PCDH9: variants seen among roughly 807,000 people sequenced by gnomAD.
The protein encoded by PCDH9 is protocadherin-9.
PCDH9 carries 24 observed loss-of-function variants against 70.6 expected under a neutral mutation model. The ratio of observed to expected loss-of-function variants is 0.34; its 90% CI spans 0.25 to 0.48. The LOEUF (loss-of-function observed/expected upper bound fraction) is 0.48. Ranked by LOEUF, PCDH9 falls within the 20% of genes least tolerant of loss-of-function variation. PCDH9 has a pLI of 0.99. For synonymous variants in PCDH9, 562 were observed against 558.5 expected (o/e 1.01, Z -0.09); for missense variants, 1,281 against 1,503.6 (o/e 0.85, Z 2.45).
chr13:66,798,817 G>GTT (rs34941327), intron 3 of PCDH9, among the ~76,000 whole-genome samples: 1 of 150,574 alleles, frequency 6.6e-6, no homozygotes, highest in African/African-American at 2.4e-5. Context: ...CCTGTTCCTC[G>GTT]TTTTTTTTTT....
At chr13:66,945,833 A>C (rs991232640) in intron 2 of PCDH9, among the ~76,000 whole-genome samples, 8 of 152,158 alleles carry the variant, frequency 5.3e-5, no homozygotes, top group Non-Finnish European at 1.2e-4. Context: ...TACAGTGTAC[A>C]TGTGTAAGAA....
chr13:67,206,700 A>C (rs1356573956), intron 2 of PCDH9: 1 of 152,156 alleles, frequency 6.6e-6, no homozygotes, highest in Admixed American at 6.5e-5. Flanking sequence ...GCCTATACTG[A>C]TCTTAGCTGG....
intron 3 of PCDH9, among the ~76,000 whole-genome samples, chr13:66,672,889 T>C (rs1181308491): frequency 6.6e-6 from 1 of 152,204 alleles, no homozygotes; most frequent in Non-Finnish European, 1.5e-5. Context: ...TGTATTCCCA[T>C]TGTATCTAGG....
At chr13:66,875,182 G>A (rs1053982347) in intron 3 of PCDH9, among the ~76,000 whole-genome samples, 15 of 152,054 alleles carry the variant, frequency 9.9e-5, no homozygotes, top group African/African-American at 3.6e-4. Flanking sequence ...TGATGCCAGC[G>A]GCATTCAAAC....
At chr13:67,122,999 A>G (rs1431270775) in intron 2 of PCDH9, among the ~76,000 whole-genome samples, 1 of 152,096 alleles carries the variant, frequency 6.6e-6, no homozygotes, top group East Asian at 1.9e-4. Flanking sequence ...GAGCTAATCA[A>G]AATTAGTGTG....
chr13:66,922,677 A>T (rs2082655794), intron 2 of PCDH9, among the ~76,000 whole-genome samples: 1 of 151,460 alleles, frequency 6.6e-6, no homozygotes, highest in African/African-American at 2.4e-5. Context: ...TGATATGATG[A>T]TTTATAATGC....
intron 4 of PCDH9, among the ~76,000 whole-genome samples, chr13:66,385,996 T>TAA (rs60534095): frequency 2.3e-5 from 3 of 129,136 alleles, no homozygotes; most frequent in African/African-American, 8.1e-5. Context: ...ACGTATCTGA[T>TAA]AAAAAAAAAA....
chr13:66,779,845 CTCTCTA>C (rs1243416406), intron 3 of PCDH9, among the ~76,000 whole-genome samples: 4 of 42,612 alleles, frequency 9.4e-5, no homozygotes, highest in East Asian at 7.7e-4. Context: ...CTCTCTCTCT[CTCTCTA>C]TATATATATA....
chr13:66,837,114 T>C (rs894920200), intron 3 of PCDH9, among the ~76,000 whole-genome samples: 1 of 152,212 alleles, frequency 6.6e-6, no homozygotes, highest in Admixed American at 6.5e-5. Context: ...TTATAGAACA[T>C]GCTGAATTTC....
intron 3 of PCDH9, among the ~76,000 whole-genome samples, chr13:66,705,984 C>T (rs2078706143): frequency 6.6e-6 from 1 of 152,118 alleles, no homozygotes. Flanking sequence ...CTATTGATCA[C>T]AACTCAAGTG....
At chr13:67,056,832 T>C (rs1021636033) in intron 2 of PCDH9, among the ~76,000 whole-genome samples, 1 of 152,104 alleles carries the variant, frequency 6.6e-6, no homozygotes, top group African/African-American at 2.4e-5. Context: ...ATCATCATCA[T>C]CTACCACACC....
At chr13:66,676,471 C>A (rs1158145950) in intron 3 of PCDH9, among the ~76,000 whole-genome samples, 2 of 151,998 alleles carry the variant, frequency 1.3e-5, no homozygotes, top group African/African-American at 2.4e-5. Context: ...ATACACCTAA[C>A]CAATAATACT....
At chr13:66,678,945 G>A (rs985572758) in intron 3 of PCDH9, among the ~76,000 whole-genome samples, 2 of 150,386 alleles carry the variant, frequency 1.3e-5, no homozygotes, top group African/African-American at 2.4e-5. Flanking sequence ...GCGACTGGAT[G>A]TATATATATA....
chr13:66,809,203 C>T (rs1036184255), intron 3 of PCDH9, among the ~76,000 whole-genome samples: 1 of 152,202 alleles, frequency 6.6e-6, no homozygotes, highest in Admixed American at 6.5e-5. Context: ...CCGTCTCGGC[C>T]TCCCAAAGTG....
intron 3 of PCDH9, among the ~76,000 whole-genome samples, chr13:66,894,287 T>G (rs554475948): frequency 4.9e-4 from 74 of 151,426 alleles, no homozygotes; most frequent in African/African-American, 1.7e-3. Context: ...GTCTGAACTA[T>G]CTAAAGAAAA....
At chr13:66,355,527 A>G (rs1466288286) in intron 4 of PCDH9, among the ~76,000 whole-genome samples, 1 of 152,124 alleles carries the variant, frequency 6.6e-6, no homozygotes, top group Non-Finnish European at 1.5e-5. Context: ...TAGGGCTGAC[A>G]TGCTGTCTAG....
intron 2 of PCDH9, among the ~76,000 whole-genome samples, chr13:67,127,004 T>C (rs539293533): frequency 6.6e-6 from 1 of 152,316 alleles, no homozygotes; most frequent in South Asian, 2.1e-4. Flanking sequence ...TTCCCTTAAG[T>C]CAATTGATCT....
At chr13:67,075,077 C>T (rs977924994) in intron 2 of PCDH9, among the ~76,000 whole-genome samples, 22 of 137,794 alleles carry the variant, frequency 1.6e-4, no homozygotes, top group Non-Finnish European at 3.2e-4. Flanking sequence ...GTGATAGTGA[C>T]AAAAAAAAAA....
chr13:67,168,021 A>T (rs2088171431), intron 2 of PCDH9, among the ~76,000 whole-genome samples: 1 of 152,202 alleles, frequency 6.6e-6, no homozygotes. Context: ...TTTCACAGTG[A>T]TAGATAACAA....
Sources: allele counts gnomAD v4.1 joint callset (sites outside exome capture counted in the v4.1 genomes callset), GRCh38; gene constraint gnomAD v4.1.1; transcripts MANE v1.5; gene names NCBI Gene and HGNC (gene_info 2026-07-23, HGNC 2026-07-21).